The following SLC12A7 variants were observed in gnomAD, a reference collection of about 807,000 sequenced individuals.
SLC12A7 encodes solute carrier family 12 member 7.
Under a neutral mutation model 120.6 loss-of-function variants are expected in SLC12A7, and 100 were observed. The observed-to-expected ratio is 0.83, with a 90% CI of 0.71 to 0.98. The LOEUF (loss-of-function observed/expected upper bound fraction) is 0.98, where lower values mean the gene tolerates loss of function less well. Ranked by LOEUF, SLC12A7 falls within the 50% of genes least tolerant of loss-of-function variation. The pLI is 0.00. For missense variants in SLC12A7, 1,373 were observed against 1,548.1 expected (o/e 0.89, Z 1.90); for synonymous variants, 760 against 678.0 (o/e 1.12, Z -1.88).
chr5:1,077,080 G>A (rs543251892), intron 12 of SLC12A7, among the ~76,000 whole-genome samples: 14 of 64,716 alleles, frequency 2.2e-4, no homozygotes, highest in Non-Finnish European at 3.0e-4. Flanking sequence ...CAGTTTCCCC[G>A]ACCACACAAC....
At chr5:1,100,601 C>A (rs1016335899) in intron 1 of SLC12A7, among the ~76,000 whole-genome samples, 1 of 152,230 alleles carries the variant, frequency 6.6e-6, no homozygotes, top group Non-Finnish European at 1.5e-5. Flanking sequence ...AAGACGGCGC[C>A]CTCGGGGAGA....
chr5:1,068,643 G>A (rs1395689307), intron 17 of SLC12A7, among the ~76,000 whole-genome samples: 4 of 152,248 alleles, frequency 2.6e-5, no homozygotes, highest in African/African-American at 9.6e-5. Context: ...GCTGAGAGCA[G>A]CGGGGGCAGG....
intron 21 of SLC12A7, among the ~76,000 whole-genome samples, chr5:1,060,028 G>A (rs761610203): frequency 1.8e-4 from 27 of 152,202 alleles, no homozygotes; most frequent in Admixed American, 9.2e-4. Flanking sequence ...CACGCTGCTC[G>A]GTTAGAAAAG....
the SLC12A7 span, among the ~76,000 whole-genome samples, chr5:1,130,431 G>A: frequency 6.7e-6 from 1 of 149,378 alleles, no homozygotes; most frequent in Non-Finnish European, 1.5e-5. Context: ...GGGAGGAAGA[G>A]AGGCTGAATG....
At chr5:1,094,463 C>T (rs1234405793) in intron 1 of SLC12A7, among the ~76,000 whole-genome samples, 1 of 152,196 alleles carries the variant, frequency 6.6e-6, no homozygotes, top group African/African-American at 2.4e-5. Context: ...AGTCCCAGGA[C>T]ACATGCTAGC....
the SLC12A7 span, among the ~76,000 whole-genome samples, chr5:1,134,615 G>C: frequency 6.6e-6 from 1 of 152,176 alleles, no homozygotes; most frequent in African/African-American, 2.4e-5. Context: ...CAGAACGGCA[G>C]TTCCTGAAAA....
the SLC12A7 span, among the ~76,000 whole-genome samples, chr5:1,127,886 A>G: frequency 3.9e-5 from 6 of 152,218 alleles, no homozygotes; most frequent in Non-Finnish European, 7.3e-5. Context: ...CCTGTTATCA[A>G]ATTAGCACTT....
At chr5:1,089,166 C>A in intron 3 of SLC12A7, 38 bp from the exon 4 acceptor site, 1 of 1,600,558 alleles carries the variant, frequency 6.2e-7, no homozygotes, top group Non-Finnish European at 8.5e-7. Context: ...GGCTCGTACC[C>A]CACACCCAGA....
intron 15 of SLC12A7, among the ~76,000 whole-genome samples, 155 bp downstream of exon 15, chr5:1,075,216 A>T (rs1738190807): frequency 6.6e-6 from 1 of 151,896 alleles, no homozygotes; most frequent in South Asian, 2.1e-4. Context: ...AGCTTTCACA[A>T]CACAGCCCAC....
intron 8 of SLC12A7, 117 bp downstream of exon 8, chr5:1,083,628 G>T (rs1049974527): frequency 4.7e-6 from 5 of 1,073,986 alleles, no homozygotes; most frequent in South Asian, 4.1e-5. Context: ...GAAGGGGCTC[G>T]GCCAGGCAGG....
chr5:1,088,898 A>G (rs1236110904), intron 4 of SLC12A7, 84 bp downstream of exon 4: 4 of 1,550,772 alleles, frequency 2.6e-6, no homozygotes, highest in Non-Finnish European at 3.5e-6. Context: ...CACAGCGGCC[A>G]GGGGAGACGG....
At chr5:1,092,299 T>A (rs1740612596) in intron 3 of SLC12A7, among the ~76,000 whole-genome samples, 1 of 152,094 alleles carries the variant, frequency 6.6e-6, no homozygotes, top group African/African-American at 2.4e-5. Context: ...CACTCAGGGG[T>A]GGCGTCGACG....
At chr5:1,082,786 G>C (rs1446321823) in intron 8 of SLC12A7, among the ~76,000 whole-genome samples, 1 of 144,190 alleles carries the variant, frequency 6.9e-6, no homozygotes, top group African/African-American at 2.6e-5. Flanking sequence ...TGGAAAGCCT[G>C]GGCTTCCCGT....
At chr5:1,144,357 G>T in the SLC12A7 span, among the ~76,000 whole-genome samples, 1 of 152,250 alleles carries the variant, frequency 6.6e-6, no homozygotes, top group Non-Finnish European at 1.5e-5. Context: ...CTCCGACAAG[G>T]AGTGGCCCCT....
Position 1,076,778 on chromosome 5 carries a change from G to C in SLC12A7, c.1664C>G (p.Thr555Arg). 6.2e-7 allele frequency: 1 copy of C among 1,610,988 alleles called. No homozygotes were observed. Among genetic ancestry groups the C allele is most frequent in the African/African-American group, 1.3e-5 (1 of 75,018 alleles). Reference sequence around the variant, plus strand: ...GAGGACTGTCAGCAGCAGCGCCCACGTGGGCTCCCCGTTGGCCTTCCCGTG... The same window carrying C: ...GAGGACTGTCAGCAGCAGCGCCCACCTGGGCTCCCCGTTGGCCTTCCCGTG... ...FGHGKANGEP[T>R]WALLLTVLIC... Residue 555 changes from threonine to arginine, a missense_variant, in exon 13 of 24, where the codon ACG becomes AGG. Transcript: ENST00000264930.
At chr5:1,077,773 G>A (rs1738528266) in intron 12 of SLC12A7, 60 bp downstream of exon 12, 4 of 1,471,764 alleles carry the variant, frequency 2.7e-6, no homozygotes, top group African/African-American at 1.4e-5. Flanking sequence ...GATCCCGCAG[G>A]GGAGGAGAGC....
At chr5:1,098,270 G>GCCCCCCTCTAACCCTCTGCTCACCCA in intron 1 of SLC12A7, among the ~76,000 whole-genome samples, 1 of 13,346 alleles carries the variant, frequency 7.5e-5, no homozygotes, top group African/African-American at 3.5e-4. Context: ...TGCACGCCCA[G>GCCCCCCTCTAACCCTCTGCTCACCCA]GCCCCCACAA....
chr5:1,124,962 G>A, the SLC12A7 span, among the ~76,000 whole-genome samples: 4 of 152,154 alleles, frequency 2.6e-5, no homozygotes, highest in Admixed American at 6.5e-5. Context: ...GGAACAGCTA[G>A]AGATTTCAAG....
At chr5:1,144,068 G>A in the SLC12A7 span, among the ~76,000 whole-genome samples, 55 of 152,298 alleles carry the variant, frequency 3.6e-4, no homozygotes, top group Admixed American at 9.1e-4. Flanking sequence ...GGGAGGGGGC[G>A]AACAGCCCTG....
Sources: gnomAD v4.1 joint callset for allele counts (sites outside exome capture counted in the v4.1 genomes callset) on GRCh38, gnomAD v4.1.1 for gene constraint, MANE v1.5 for transcripts, NCBI Gene and HGNC (gene_info 2026-07-23, HGNC 2026-07-21) for gene names.